Variants in SAMD12 observed in about 807,000 individuals in gnomAD.
SAMD12 encodes sterile alpha motif domain-containing protein 12.
In SAMD12, 9 loss-of-function variants were observed where a neutral mutation model predicts 15.0. That is an observed-to-expected ratio of 0.60 (90% CI 0.36 to 1.05). The LOEUF (loss-of-function observed/expected upper bound fraction) is 1.05, where lower values mean the gene tolerates loss of function less well. Ranked by LOEUF, SAMD12 falls within the 50% of genes least tolerant of loss-of-function variation. The probability of loss-of-function intolerance (pLI) is 0.01; values close to 1 mark genes in which losing one functional copy is unlikely to be tolerated. For missense variants in SAMD12, 230 were observed against 234.2 expected, an observed-to-expected ratio of 0.98 and a Z score of 0.12; for synonymous variants, 86 against 90.1, an observed-to-expected ratio of 0.96 and a Z score of 0.25.
chr8:118,222,981 G>A (rs896415576), intron 4 of SAMD12, among the ~76,000 whole-genome samples: 1 of 152,094 alleles, frequency 6.6e-6, no homozygotes, highest in Admixed American at 6.5e-5. Context: ...TCTCCACTTT[G>A]GGCCAGCAGC....
the SAMD12 span, among the ~76,000 whole-genome samples, chr8:118,171,807 T>C: frequency 1.3e-5 from 2 of 151,702 alleles, no homozygotes; most frequent in South Asian, 4.2e-4. Context: ...CCCTTGAATA[T>C]ATTTTAAACA....
intron 2 of SAMD12, among the ~76,000 whole-genome samples, chr8:118,480,812 G>C (rs1179475201): frequency 6.6e-6 from 1 of 152,174 alleles, no homozygotes; most frequent in East Asian, 1.9e-4. Flanking sequence ...AGCGGCACTG[G>C]CATCTCCAGT....
intron 1 of SAMD12, among the ~76,000 whole-genome samples, chr8:118,615,499 C>T (rs1297510315): frequency 6.6e-6 from 1 of 152,184 alleles, no homozygotes. Context: ...ATGGGTGCTA[C>T]TCTACTGCTT....
intron 2 of SAMD12, among the ~76,000 whole-genome samples, chr8:118,481,727 C>T (rs928649317): frequency 7.0e-6 from 1 of 142,500 alleles, no homozygotes; most frequent in Non-Finnish European, 1.6e-5. Context: ...GCACAACTGA[C>T]TTACCTAAAT....
chr8:118,165,557 T>C, the SAMD12 span, among the ~76,000 whole-genome samples: 2 of 146,634 alleles, frequency 1.4e-5, no homozygotes, highest in East Asian at 3.9e-4. Flanking sequence ...TGCCCGGCCC[T>C]CAAAATATGT....
chr8:118,521,614 C>T (rs191212549), intron 2 of SAMD12, among the ~76,000 whole-genome samples: 37 of 152,280 alleles, frequency 2.4e-4, no homozygotes, highest in African/African-American at 7.7e-4. Flanking sequence ...GTGACTGATG[C>T]GTGACCTTCA....
intron 2 of SAMD12, among the ~76,000 whole-genome samples, chr8:118,544,260 T>C (rs556594999): frequency 2.0e-5 from 3 of 152,264 alleles, no homozygotes; most frequent in Admixed American, 2.0e-4. Flanking sequence ...AAGTGCAAAA[T>C]AATAGCTATA....
intron 4 of SAMD12, among the ~76,000 whole-genome samples, chr8:118,369,633 T>C (rs915214625): frequency 2.0e-5 from 3 of 152,044 alleles, no homozygotes; most frequent in African/African-American, 7.2e-5. Flanking sequence ...GAGAATCGCT[T>C]GAACCTAGGA....
intron 4 of SAMD12, among the ~76,000 whole-genome samples, chr8:118,372,006 G>A (rs1287745766): frequency 6.6e-6 from 1 of 152,160 alleles, no homozygotes; most frequent in Non-Finnish European, 1.5e-5. Flanking sequence ...TAAAGCAGAA[G>A]AACTGTGTTG....
At chr8:118,616,343 T>C (rs917545335) in intron 1 of SAMD12, among the ~76,000 whole-genome samples, 16 of 151,456 alleles carry the variant, frequency 1.1e-4, no homozygotes, top group African/African-American at 3.7e-4. Context: ...CATTCATTCA[T>C]TCAAGCTTCA....
intron 2 of SAMD12, among the ~76,000 whole-genome samples, chr8:118,463,822 G>C (rs1320403864): frequency 6.6e-6 from 1 of 151,856 alleles, no homozygotes; most frequent in Non-Finnish European, 1.5e-5. Context: ...TCAGCACAAG[G>C]GGGCAGGCAG....
chr8:118,445,638 A>AATAGACTTGAACCTTTTCTGCTAT, intron 2 of SAMD12, among the ~76,000 whole-genome samples: 1 of 152,192 alleles, frequency 6.6e-6, no homozygotes, highest in South Asian at 2.1e-4. Flanking sequence ...AGTTCTCCAA[A>AATAGACTTGAACCTTTTCTGCTAT]ATAGACTTGA....
chr8:118,506,282 T>C (rs2131053311), intron 2 of SAMD12, among the ~76,000 whole-genome samples: 1 of 152,346 alleles, frequency 6.6e-6, no homozygotes, highest in Admixed American at 6.5e-5. Flanking sequence ...TGATATCTTA[T>C]TTATGAAACC....
Position 118,583,788 on chromosome 8 carries a change from A to G in SAMD12, c.14-2895T>C, listed in dbSNP as rs181279273. The stretch of plus-strand genomic sequence containing the variant: ...CTACCACAGCAAGAAACCATTCCCT[A>G]TGCTCCCTCATGCACAGTCCCCTGG... On this transcript the variant is annotated intron_variant, in intron 1 of 3. Transcript: ENST00000314727. Among the ~76,000 whole-genome samples the G allele has an allele frequency of 1.5e-3, 231 of 152,156 alleles. 2 individuals are homozygous for G. The highest frequency in any genetic ancestry group is 5.5e-3 in the African/African-American group (227 of 41,514).
At chr8:118,333,674 T>G (rs1816910866) in intron 4 of SAMD12, among the ~76,000 whole-genome samples, 1 of 152,022 alleles carries the variant, frequency 6.6e-6, no homozygotes, top group East Asian at 1.9e-4. Flanking sequence ...CACTAGGAGC[T>G]CAAGAGATAC....
intron 4 of SAMD12, among the ~76,000 whole-genome samples, chr8:118,340,985 CT>C (rs1464514415): frequency 6.6e-6 from 1 of 152,140 alleles, no homozygotes; most frequent in Non-Finnish European, 1.5e-5. Context: ...ATCATTTTTA[CT>C]TTGTTCACAC....
intron 4 of SAMD12, among the ~76,000 whole-genome samples, chr8:118,285,885 T>G (rs1422541448): frequency 6.6e-6 from 1 of 152,164 alleles, no homozygotes; most frequent in Non-Finnish European, 1.5e-5. Context: ...ACCAAAGAGT[T>G]GGCTGGCTAT....
At chr8:118,149,249 G>A in the SAMD12 span, among the ~76,000 whole-genome samples, 2 of 152,178 alleles carry the variant, frequency 1.3e-5, no homozygotes, top group African/African-American at 4.8e-5. Flanking sequence ...TTACAGGCAT[G>A]AGCCCATTAG....
At chr8:118,379,821 G>T in intron 3 of SAMD12, 121 bp from the exon 4 acceptor site, 2 of 1,220,864 alleles carry the variant, frequency 1.6e-6, no homozygotes, top group Non-Finnish European at 1.1e-6. Flanking sequence ...AGACATTTTA[G>T]AATAAAGGTC....
Sources: allele counts gnomAD v4.1 joint callset (sites outside exome capture counted in the v4.1 genomes callset), GRCh38; gene constraint gnomAD v4.1.1; transcripts MANE v1.5; gene names NCBI Gene and HGNC (gene_info 2026-07-23, HGNC 2026-07-21).